The following BMERB1 variants were observed in gnomAD, a reference collection of about 807,000 sequenced individuals.
BMERB1 encodes bMERB domain containing 1.
In BMERB1, 12 loss-of-function variants were observed where a neutral mutation model predicts 23.6. The ratio of observed to expected loss-of-function variants is 0.51; its 90% CI spans 0.33 to 0.82. The LOEUF (loss-of-function observed/expected upper bound fraction) is 0.82, where lower values mean the gene tolerates loss of function less well. Among genes scored for constraint, BMERB1 ranks in the 40% least tolerant of loss-of-function variants. The pLI, the probability that BMERB1 is intolerant of heterozygous loss-of-function variation, is 0.03. For missense variants in BMERB1, 247 were observed against 255.4 expected (o/e 0.97, Z 0.22); for synonymous variants, 122 against 96.6 (o/e 1.26, Z -1.54).
intron 1 of BMERB1, among the ~76,000 whole-genome samples, chr16:15,453,096 C>T (rs537802624): frequency 1.3e-5 from 2 of 151,872 alleles, no homozygotes; most frequent in Non-Finnish European, 1.5e-5. Context: ...CACTTGAATC[C>T]GGGAGACGGA....
intron 1 of BMERB1, among the ~76,000 whole-genome samples, chr16:15,490,085 C>T (rs554981730): frequency 6.6e-6 from 1 of 152,088 alleles, no homozygotes; most frequent in African/African-American, 2.4e-5. Flanking sequence ...AGGATCCTCT[C>T]GATCTCCTGA....
intron 4 of BMERB1, among the ~76,000 whole-genome samples, chr16:15,582,899 T>C (rs1596405240): frequency 1.3e-5 from 2 of 152,308 alleles, no homozygotes; most frequent in South Asian, 4.1e-4. Context: ...AGCAGGGTCC[T>C]GTAATGTCCC....
At chr16:15,578,910 C>T (rs2030939470) in intron 3 of BMERB1, among the ~76,000 whole-genome samples, 1 of 152,158 alleles carries the variant, frequency 6.6e-6, no homozygotes, top group African/African-American at 2.4e-5. Context: ...GTATGTGGCA[C>T]ACACGCACGT....
rs1178599066 is a variant in BMERB1, at chr16:15,538,097, A to G, written c.230+22669A>G. ...TTGGGAAATGCCTGAATAAACTGACATCTTGAGTCGATAGGAGGCTTCCCC... is the reference window on the plus strand; with the variant it reads ...TTGGGAAATGCCTGAATAAACTGACGTCTTGAGTCGATAGGAGGCTTCCCC... On this transcript the variant is annotated intron_variant, in intron 2 of 5. Coordinates refer to ENST00000300006, the MANE Select transcript of BMERB1 (RefSeq NM_033201.3). Among the ~76,000 whole-genome samples, 4 of 152,312 alleles carry G rather than the reference A, an allele frequency of 2.6e-5. No homozygotes were observed. In the South Asian group the frequency reaches 6.2e-4, roughly 24 times the overall value.
intron 2 of BMERB1, among the ~76,000 whole-genome samples, chr16:15,521,547 G>A (rs1386691901): frequency 1.3e-5 from 2 of 152,150 alleles, no homozygotes; most frequent in Admixed American, 1.3e-4. Flanking sequence ...ATCAGGCCCA[G>A]GAGGTCAAGT....
rs1360303583 is a variant in BMERB1 at position 15,587,131 on chromosome 16, T to G, written c.*302T>G. 1 of 379,178 alleles carries G rather than the reference T, an allele frequency of 2.6e-6. No homozygotes were observed. Among genetic ancestry groups the G allele is most frequent in the African/African-American group, 2.1e-5 (1 of 48,394 alleles). The allele number at this position is 379,178 out of a possible 1,614,324, so 23.5% of individuals were successfully genotyped here. A position where few individuals can be genotyped will look rare whatever the true frequency, so the allele number is the denominator to read the frequency against. ...TCAAAAAAGCATATCTCCACTTCTC[T>G]CTAGCTGTATCTAACCCACCGTGTG... is the stretch of plus-strand genomic sequence containing the variant. On this transcript the variant is annotated 3_prime_UTR_variant, in exon 6 of 6. Transcript: ENST00000300006.
chr16:15,491,863 C>T (rs1267053534), intron 1 of BMERB1, among the ~76,000 whole-genome samples: 3 of 152,282 alleles, frequency 2.0e-5, no homozygotes, highest in East Asian at 1.9e-4. Flanking sequence ...TGTCTACCCC[C>T]GTAATGGCAT....
chr16:15,496,036 G>A (rs2051469427), intron 1 of BMERB1, among the ~76,000 whole-genome samples: 1 of 151,730 alleles, frequency 6.6e-6, no homozygotes, highest in Non-Finnish European at 1.5e-5. Flanking sequence ...GATGATGAAA[G>A]GGGTGGTAAT....
At chr16:15,525,841 A>G (rs150557906) in intron 2 of BMERB1, among the ~76,000 whole-genome samples, 4 of 152,314 alleles carry the variant, frequency 2.6e-5, no homozygotes, top group African/African-American at 4.8e-5. Flanking sequence ...TCATTTGGAT[A>G]GTTTATCAGG....
intron 1 of BMERB1, among the ~76,000 whole-genome samples, chr16:15,506,452 G>A (rs141501499): frequency 0.014 from 2,114 of 152,236 alleles, 57 homozygotes; most frequent in African/African-American, 0.049. Context: ...GATTACAGGC[G>A]TGAGCCACTG....
chr16:15,516,057 C>T (rs2051748274), intron 2 of BMERB1, among the ~76,000 whole-genome samples: 1 of 152,076 alleles, frequency 6.6e-6, no homozygotes, highest in African/African-American at 2.4e-5. Flanking sequence ...TCCTGGAGTT[C>T]AAGGCTGCAG....
chr16:15,503,934 G>T (rs2051557148), intron 1 of BMERB1, among the ~76,000 whole-genome samples: 1 of 152,168 alleles, frequency 6.6e-6, no homozygotes, highest in African/African-American at 2.4e-5. Context: ...TTTGCTCATT[G>T]CTCCTTCCCC....
At chr16:15,474,761 T>C (rs1014116134) in intron 1 of BMERB1, among the ~76,000 whole-genome samples, 1 of 151,904 alleles carries the variant, frequency 6.6e-6, no homozygotes, top group Non-Finnish European at 1.5e-5. Context: ...TGATCTCAGC[T>C]CACTGCAACC....
intron 3 of BMERB1, among the ~76,000 whole-genome samples, chr16:15,576,299 G>A (rs779653187): frequency 4.6e-5 from 7 of 151,968 alleles, no homozygotes; most frequent in African/African-American, 1.2e-4. Context: ...TGCCCGCCTC[G>A]GCCTACCAAA....
intron 1 of BMERB1, among the ~76,000 whole-genome samples, chr16:15,460,036 A>G (rs2051121630): frequency 6.6e-6 from 1 of 152,162 alleles, no homozygotes; most frequent in Non-Finnish European, 1.5e-5. Flanking sequence ...TCATTGATTT[A>G]GCATGGTTTT....
Position 15,525,562 on chromosome 16 carries a change from G to A in BMERB1, c.230+10134G>A, listed in dbSNP as rs983904398. 2.6e-5 allele frequency among the ~76,000 whole-genome samples: 4 copies of A among 151,974 alleles called. No individual in the cohort carries two copies. In the East Asian group the frequency reaches 5.8e-4, roughly 22 times the overall value. The stretch of plus-strand genomic sequence containing the variant: ...TCTACTAAAAATACAAAAATTAGCC[G>A]GCTGTGGTGGCGTGTGCTTTCAGTC... On this transcript the variant is annotated intron_variant, in intron 2 of 5. Coordinates refer to ENST00000300006, the MANE Select transcript of BMERB1 (RefSeq NM_033201.3).
At chr16:15,484,143 G>T (rs899400106) in intron 1 of BMERB1, among the ~76,000 whole-genome samples, 1 of 152,184 alleles carries the variant, frequency 6.6e-6, no homozygotes, top group African/African-American at 2.4e-5. Context: ...AACATGGCAT[G>T]AAGCCATTCA....
chr16:15,457,343 T>A (rs1191333647), intron 1 of BMERB1, among the ~76,000 whole-genome samples: 1 of 152,236 alleles, frequency 6.6e-6, no homozygotes, highest in Non-Finnish European at 1.5e-5. Context: ...GTTCTAGAGC[T>A]TGTTCACCTT....
chr16:15,486,353 G>A (rs1598466017), intron 1 of BMERB1, among the ~76,000 whole-genome samples: 3 of 152,292 alleles, frequency 2.0e-5, no homozygotes, highest in East Asian at 1.9e-4. Context: ...CAGGGCCATG[G>A]TTCCACTGGA....
Sources: allele counts gnomAD v4.1 joint callset (sites outside exome capture counted in the v4.1 genomes callset), GRCh38; gene constraint gnomAD v4.1.1; transcripts MANE v1.5; gene names NCBI Gene and HGNC (gene_info 2026-07-23, HGNC 2026-07-21).